ZNF43: variants seen among roughly 807,000 people sequenced by gnomAD.
ZNF43 encodes the protein zinc finger protein 43.
In ZNF43, 44 loss-of-function variants were observed where a neutral mutation model predicts 68.4. The ratio of observed to expected loss-of-function variants is 0.64; its 90% CI spans 0.51 to 0.83. The LOEUF (loss-of-function observed/expected upper bound fraction) is 0.83. Ranked by LOEUF, ZNF43 falls within the 40% of genes least tolerant of loss-of-function variation. The pLI is 0.00. For synonymous variants in ZNF43, 308 were observed against 307.8 expected (o/e 1.00, Z -0.01); for missense variants, 896 against 933.2 (o/e 0.96, Z 0.52).
chr19:21,833,642 A>AC lies in ZNF43; in HGVS notation c.3+2393_3+2394insG, dbSNP rs1568378466. 4.7e-3 allele frequency among the ~76,000 whole-genome samples: 716 copies of AC among 151,734 alleles called. 6 individuals carry two copies. The highest frequency in any genetic ancestry group is 0.015 in the African/African-American group (632 of 41,430). ...CTAGACAGTACTGAAACCCAGGATC[A>AC]GAAAAAAAAAACAAAAACAACAAAA... On this transcript the variant is annotated intron_variant, in intron 1 of 3. Transcript: ENST00000354959.
At chr19:21,823,592 TTTC>T (rs1320807063) in intron 1 of ZNF43, among the ~76,000 whole-genome samples, 15 of 149,400 alleles carry the variant, frequency 1.0e-4, no homozygotes, top group African/African-American at 3.7e-4. Flanking sequence ...TTTTTTTTTT[TTTC>T]GTGAGATGGA....
chr19:21,850,328 C>A (rs1028391276), intron 1 of ZNF43, among the ~76,000 whole-genome samples: 1 of 151,656 alleles, frequency 6.6e-6, no homozygotes, highest in Non-Finnish European at 1.5e-5. Context: ...TTCGGGAGGC[C>A]GAAGCAGGTG....
chr19:21,847,531 T>C (rs779844138), intron 1 of ZNF43, among the ~76,000 whole-genome samples: 1 of 152,028 alleles, frequency 6.6e-6, no homozygotes, highest in Non-Finnish European at 1.5e-5. Context: ...ACCCCATCTC[T>C]ACTAAAAATA....
chr19:21,815,628 A>G (rs893229109), intron 3 of ZNF43, among the ~76,000 whole-genome samples: 99 of 151,990 alleles, frequency 6.5e-4, no homozygotes, highest in African/African-American at 2.3e-3. Context: ...TACCTACAGC[A>G]AACTTAAATT....
intron 1 of ZNF43, among the ~76,000 whole-genome samples, chr19:21,823,671 G>A (rs1488038357): frequency 2.1e-5 from 3 of 144,712 alleles, no homozygotes; most frequent in Non-Finnish European, 4.5e-5. Flanking sequence ...ACCTCCAAGC[G>A]ATTCTCCTGC....
rs1266566678 is a variant in ZNF43, at chr19:21,806,237, T to C, written c.*1370A>G. 1 of 151,476 alleles carries C rather than the reference T, an allele frequency of 6.6e-6. No individual in the cohort carries two copies. Among genetic ancestry groups the C allele is most frequent in the Non-Finnish European group, 1.5e-5 (1 of 67,904 alleles). The allele number at this position is 151,476 out of a possible 1,614,324, so 9.4% of individuals were successfully genotyped here. A position where few individuals can be genotyped will look rare whatever the true frequency, so the allele number is the denominator to read the frequency against. ...TGTTGCCCAGGTTGGAGTGCAATGGTATGATTTCGGCTCACTGAGACCTCC... is the reference window on the plus strand; with the variant it reads ...TGTTGCCCAGGTTGGAGTGCAATGGCATGATTTCGGCTCACTGAGACCTCC... On this transcript the variant is annotated 3_prime_UTR_variant, in exon 4 of 4. Transcript: ENST00000354959.
chr19:21,809,589 T>C lies in ZNF43; in HGVS notation c.448A>G (p.Lys150Glu), dbSNP rs1214336477. The change falls in exon 4 of 4, where the codon AAA (lysine) becomes GAA (glutamate). Residue 150 changes from lysine (K) to glutamate (E), a missense_variant. Physicochemically the swap from Lys to Glu is moderately conservative, Grantham distance 56. Transcript: ENST00000354959. Reference sequence around the variant, plus strand: ...AATTTATGAAAGGCTTTCACACATTTATCAAATAGAAATATTTTGCTCTGG... The same window carrying C: ...AATTTATGAAAGGCTTTCACACATTCATCAAATAGAAATATTTTGCTCTGG... ...ATQSKIFLFD[K>E]CVKAFHKFSN... 6.2e-7 allele frequency: 1 copy of C among 1,611,970 alleles called. No homozygotes were observed. Among genetic ancestry groups the C allele is most frequent in the Non-Finnish European group, 8.5e-7 (1 of 1,179,130 alleles).
At chr19:21,811,405 T>C (rs1338461681) in intron 3 of ZNF43, among the ~76,000 whole-genome samples, 1 of 151,750 alleles carries the variant, frequency 6.6e-6, no homozygotes, top group Admixed American at 6.6e-5. Flanking sequence ...CATGGCTATA[T>C]GTGCCTGTAA....
chr19:21,826,753 T>C (rs1280059263), intron 1 of ZNF43, among the ~76,000 whole-genome samples: 1 of 151,310 alleles, frequency 6.6e-6, no homozygotes, highest in Non-Finnish European at 1.5e-5. Flanking sequence ...GGGGAATCAC[T>C]TGAAACCAGG....
chr19:21,835,019 G>A (rs947517273), intron 1 of ZNF43, among the ~76,000 whole-genome samples: 7 of 150,550 alleles, frequency 4.6e-5, no homozygotes, highest in Non-Finnish European at 1.0e-4. Context: ...GGCTGAGGCG[G>A]GTGGATCATC....
At chr19:21,841,559 A>G (rs1967535209) in intron 1 of ZNF43, 1 of 152,276 alleles carries the variant, frequency 6.6e-6, no homozygotes, top group African/African-American at 2.4e-5. Context: ...GGCATGGTGC[A>G]GATGGAAGAG....
At chr19:21,829,814 G>T (rs1004983082) in intron 1 of ZNF43, among the ~76,000 whole-genome samples, 3 of 151,996 alleles carry the variant, frequency 2.0e-5, no homozygotes, top group African/African-American at 7.3e-5. Context: ...TGGATTCATT[G>T]AGCTCCGTCT....
chr19:21,809,322 A>G lies in ZNF43; in HGVS notation c.715T>C (p.Phe239Leu), dbSNP rs1311870265. 5 of 1,613,622 alleles carry G rather than the reference A, an allele frequency of 3.1e-6. No homozygotes were observed. The highest frequency in any genetic ancestry group is 3.4e-6 in the Non-Finnish European group (4 of 1,179,888). The change falls in exon 4 of 4, where the codon TTT becomes CTT. Residue 239 changes from phenylalanine to leucine, a missense_variant. By Grantham distance (22) the Phe-to-Leu change is conservative. Transcript: ENST00000354959. Reference sequence around the variant, plus strand: ...GTAGTAAGGCGTGAGGACCAATTAAAGACTTTGCCACATTCTTCACATGTG... The same window carrying G: ...GTAGTAAGGCGTGAGGACCAATTAAGGACTTTGCCACATTCTTCACATGTG... The part of the protein sequence containing the change: ...PYTCEECGKV[F>L]NWSSRLTTHK...
chr19:21,805,600 G>A lies in ZNF43; in HGVS notation c.*2007C>T, dbSNP rs908591626. 2.0e-5 allele frequency: 3 copies of A among 150,842 alleles called. No individual in the cohort carries two copies. Among genetic ancestry groups the A allele is most frequent in the African/African-American group, 7.3e-5 (3 of 40,994 alleles). The allele number at this position is 150,842 out of a possible 1,614,324, so 9.3% of individuals were successfully genotyped here. On this transcript the variant is annotated 3_prime_UTR_variant, in exon 4 of 4. Transcript: ENST00000354959. ...CGCCACTGCACTCCAGCCTGGGCGA[G>A]AGCAAGACTCTGTCTCAAAAAAAAA...
upstream of ZNF43, among the ~76,000 whole-genome samples, chr19:21,839,390 C>G (rs1276329851): frequency 7.4e-6 from 1 of 135,214 alleles, no homozygotes; most frequent in Admixed American, 7.6e-5. Flanking sequence ...GGCCCAGCTA[C>G]ATATCACAAG....
chr19:21,828,890 G>A (rs757318589), intron 1 of ZNF43, among the ~76,000 whole-genome samples: 4 of 151,222 alleles, frequency 2.6e-5, no homozygotes, highest in Admixed American at 6.6e-5. Flanking sequence ...AAAAATAGCC[G>A]GGTGCCCTGG....
chr19:21,818,529 T>C (rs1465907969), intron 2 of ZNF43, among the ~76,000 whole-genome samples: 1 of 152,102 alleles, frequency 6.6e-6, no homozygotes, highest in African/African-American at 2.4e-5. Context: ...CAAGCCATTC[T>C]CCTGCCTCAG....
At chr19:21,813,212 CA>C (rs781621007) in intron 3 of ZNF43, among the ~76,000 whole-genome samples, 51 of 150,338 alleles carry the variant, frequency 3.4e-4, no homozygotes, top group Non-Finnish European at 4.0e-4. Flanking sequence ...CATTGGACTC[CA>C]GCCTAGGCGA....
intron 1 of ZNF43, chr19:21,851,889 A>C (rs1396275805): frequency 8.3e-6 from 13 of 1,572,700 alleles, no homozygotes; most frequent in Non-Finnish European, 9.5e-6. Context: ...CGGGATGCCT[A>C]ACCCCGCACA....
Sources: allele counts gnomAD v4.1 joint callset (sites outside exome capture counted in the v4.1 genomes callset), GRCh38; gene constraint gnomAD v4.1.1; transcripts MANE v1.5; gene names NCBI Gene and HGNC (gene_info 2026-07-23, HGNC 2026-07-21).